RAB27B: variants seen among roughly 807,000 people sequenced by gnomAD.
RAB27B encodes ras-related protein Rab-27B.
Under a neutral mutation model 24.6 loss-of-function variants are expected in RAB27B, and 15 were observed. The observed-to-expected ratio is 0.61, with a 90% CI of 0.41 to 0.94. The LOEUF is 0.94. Ranked by LOEUF, RAB27B falls within the 40% of genes least tolerant of loss-of-function variation. The pLI is 0.00. For missense variants in RAB27B, 261 were observed against 266.8 expected (o/e 0.98, Z 0.15); for synonymous variants, 105 against 92.5 (o/e 1.14, Z -0.78).
intron 2 of RAB27B, among the ~76,000 whole-genome samples, chr18:54,765,385 T>C (rs1277846743): frequency 2.0e-5 from 3 of 152,174 alleles, no homozygotes; most frequent in African/African-American, 7.2e-5. Context: ...AAGAATAACA[T>C]GTTTCATTCC....
intron 2 of RAB27B, among the ~76,000 whole-genome samples, chr18:54,785,074 C>A (rs889745959): frequency 2.0e-5 from 3 of 151,288 alleles, no homozygotes; most frequent in Non-Finnish European, 4.4e-5. Flanking sequence ...TGCCTCAGGG[C>A]CTTTGTACCT....
intron 2 of RAB27B, among the ~76,000 whole-genome samples, chr18:54,787,627 T>C: frequency 6.6e-6 from 1 of 151,892 alleles, no homozygotes; most frequent in East Asian, 1.9e-4. Flanking sequence ...AGATAAAATC[T>C]AAGTAATAGC....
intron 1 of RAB27B, among the ~76,000 whole-genome samples, chr18:54,844,559 A>G (rs186484274): frequency 1.9e-3 from 289 of 151,912 alleles, no homozygotes; most frequent in Middle Eastern, 0.01. Flanking sequence ...GGCATTAGCC[A>G]CCACACCTGG....
intron 2 of RAB27B, among the ~76,000 whole-genome samples, chr18:54,735,693 T>A (rs978412584): frequency 8.5e-5 from 13 of 152,104 alleles, no homozygotes; most frequent in African/African-American, 3.1e-4. Flanking sequence ...TTTATTTTTT[T>A]ATATTTTTAG....
intron 2 of RAB27B, among the ~76,000 whole-genome samples, chr18:54,743,065 A>G (rs900228728): frequency 6.6e-6 from 1 of 152,212 alleles, no homozygotes; most frequent in Non-Finnish European, 1.5e-5. Flanking sequence ...CTGGTCCTGT[A>G]TAACATAATC....
chr18:54,749,498 T>C (rs76700766), intron 2 of RAB27B, among the ~76,000 whole-genome samples: 1,694 of 152,230 alleles, frequency 0.011, 38 homozygotes, highest in African/African-American at 0.039. Flanking sequence ...GGCTCACAGA[T>C]CCTAACTCCT....
intron 2 of RAB27B, among the ~76,000 whole-genome samples, chr18:54,766,491 T>G (rs1374606329): frequency 6.6e-6 from 1 of 152,074 alleles, no homozygotes; most frequent in Admixed American, 6.6e-5. Flanking sequence ...TTTTTTAAGT[T>G]TTTTTGTTTT....
At chr18:54,839,896 A>G (rs998570826) in intron 1 of RAB27B, among the ~76,000 whole-genome samples, 1 of 152,226 alleles carries the variant, frequency 6.6e-6, no homozygotes, top group Non-Finnish European at 1.5e-5. Context: ...TTTACACTAT[A>G]GCATAATGTC....
chr18:54,847,707 G>A (rs191624476), intron 1 of RAB27B, among the ~76,000 whole-genome samples: 1 of 152,268 alleles, frequency 6.6e-6, no homozygotes, highest in East Asian at 1.9e-4. Context: ...AAAAACAGAA[G>A]ACTGAGTAAA....
At chr18:54,876,458 A>T (rs1315224164) in intron 1 of RAB27B, among the ~76,000 whole-genome samples, 1 of 152,200 alleles carries the variant, frequency 6.6e-6, no homozygotes, top group East Asian at 1.9e-4. Context: ...TAATACTGAG[A>T]TAAACCTTTG....
chr18:54,824,735 A>T (rs1317689715), upstream of RAB27B, among the ~76,000 whole-genome samples: 2 of 152,226 alleles, frequency 1.3e-5, no homozygotes, highest in African/African-American at 4.8e-5. Flanking sequence ...CAGGAAAAAG[A>T]GCAGAACATG....
rs1316270314 is a variant in RAB27B, at chr18:54,891,824, C to T, written c.*2411C>T. On this transcript the variant is annotated 3_prime_UTR_variant, in exon 6 of 6. Transcript: ENST00000262094. ...TGATGCCCATAATTGCAAGACTATT[C>T]CTGTAAAAATAACAATTATTGGGTA... 6.6e-6 allele frequency: 1 copy of T among 151,826 alleles called. No homozygotes were observed. Among genetic ancestry groups the T allele is most frequent in the Non-Finnish European group, 1.5e-5 (1 of 67,942 alleles). The allele number at this position is 151,826 out of a possible 1,614,324, so 9.4% of individuals were successfully genotyped here.
chr18:54,792,817 T>C (rs895477354), intron 2 of RAB27B, among the ~76,000 whole-genome samples: 1 of 152,216 alleles, frequency 6.6e-6, no homozygotes, highest in Non-Finnish European at 1.5e-5. Flanking sequence ...GTTCCGGTAG[T>C]ACTCATAAAA....
intron 2 of RAB27B, among the ~76,000 whole-genome samples, chr18:54,776,276 C>T (rs61193212): frequency 6.6e-6 from 1 of 152,216 alleles, no homozygotes; most frequent in Non-Finnish European, 1.5e-5. Flanking sequence ...TCTATTCCAC[C>T]CCAACTACCA....
chr18:54,866,416 C>T (rs1191509846), intron 1 of RAB27B, among the ~76,000 whole-genome samples: 5 of 152,268 alleles, frequency 3.3e-5, no homozygotes, highest in Non-Finnish European at 7.3e-5. Context: ...CTGCCTCACC[C>T]TCCCTAGTAG....
At chr18:54,800,242 A>AT (rs1909558069) in intron 2 of RAB27B, among the ~76,000 whole-genome samples, 1 of 152,204 alleles carries the variant, frequency 6.6e-6, no homozygotes, top group Non-Finnish European at 1.5e-5. Context: ...CATTGGAATT[A>AT]TTTTTAATTA....
chr18:54,878,548 G>A (rs192781571), intron 2 of RAB27B, among the ~76,000 whole-genome samples: 1 of 152,102 alleles, frequency 6.6e-6, no homozygotes, highest in Non-Finnish European at 1.5e-5. Context: ...TGCTGGACCT[G>A]ATCTGAAAGT....
intron 2 of RAB27B, among the ~76,000 whole-genome samples, chr18:54,778,189 G>A (rs1908777169): frequency 6.6e-6 from 1 of 152,026 alleles, no homozygotes; most frequent in South Asian, 2.1e-4. Flanking sequence ...TTTCTCTAAG[G>A]TGCTCCAGGG....
At chr18:54,887,320 G>A (rs1259812710) in intron 4 of RAB27B, among the ~76,000 whole-genome samples, 4 of 151,826 alleles carry the variant, frequency 2.6e-5, no homozygotes, top group Admixed American at 2.6e-4. Flanking sequence ...AACAAATGGT[G>A]TGAAGCAGTT....
Sources: allele counts gnomAD v4.1 joint callset (sites outside exome capture counted in the v4.1 genomes callset), GRCh38; gene constraint gnomAD v4.1.1; transcripts MANE v1.5; gene names NCBI Gene and HGNC (gene_info 2026-07-23, HGNC 2026-07-21).